CNTNAP5: variants seen among roughly 807,000 people sequenced by gnomAD.
The protein encoded by CNTNAP5 is contactin associated protein family member 5.
In CNTNAP5, 72 loss-of-function variants were observed where a neutral mutation model predicts 150.2. The ratio of observed to expected loss-of-function variants is 0.48; its 90% confidence interval spans 0.40 to 0.58. CNTNAP5 has a LOEUF of 0.58. Among genes scored for constraint, CNTNAP5 ranks in the 20% least tolerant of loss-of-function variants. The pLI is 0.00. For missense variants in CNTNAP5, 1,636 were observed against 1,626.2 expected (o/e 1.01, Z -0.10); for synonymous variants, 672 against 619.8 (o/e 1.08, Z -1.25).
intron 3 of CNTNAP5, among the ~76,000 whole-genome samples, chr2:124,260,867 T>C (rs1051441234): frequency 6.6e-6 from 1 of 152,172 alleles, no homozygotes; most frequent in African/African-American, 2.4e-5. Context: ...ATAATACATG[T>C]CATACTTATA....
chr2:124,495,051 A>G (rs1694114315), intron 7 of CNTNAP5, among the ~76,000 whole-genome samples: 1 of 152,178 alleles, frequency 6.6e-6, no homozygotes, highest in Non-Finnish European at 1.5e-5. Context: ...CTACATATTT[A>G]TATGGGTATA....
chr2:124,790,134 C>T lies in CNTNAP5; in HGVS notation c.2985C>T (p.Cys995=), dbSNP rs772011130. Residue 995 remains cysteine, a synonymous_variant, in exon 18 of 24, where the codon TGC becomes TGT. Coordinates refer to ENST00000682447, the MANE Select transcript of CNTNAP5 (RefSeq NM_001367498.1). ...ATTCACCTTATGAAGGGCCCTTTTG[C>T]AAAAAAGGTACCTTAGGCGCTCCTG... ...CTNSPYEGPF[C]KKEVSAVFEA... 6.9e-6 allele frequency: 11 copies of T among 1,605,372 alleles called. No individual in the cohort carries two copies. The East Asian group carries it at 2.5e-4, about 36-fold the overall frequency.
chr2:124,578,953 T>C (rs753807452), intron 11 of CNTNAP5, among the ~76,000 whole-genome samples: 4 of 151,946 alleles, frequency 2.6e-5, no homozygotes, highest in African/African-American at 7.3e-5. Context: ...GACAAGGGAG[T>C]CTGTTGTGCA....
intron 13 of CNTNAP5, among the ~76,000 whole-genome samples, chr2:124,661,095 A>C (rs1678579923): frequency 6.6e-6 from 1 of 152,126 alleles, no homozygotes. Flanking sequence ...GGAAATTACA[A>C]GGTGCCACTG....
rs145514519 is a variant in CNTNAP5 at position 124,135,848 on chromosome 2, A to G, written c.83-85857A>G. 1.2e-4 allele frequency among the ~76,000 whole-genome samples: 18 copies of G among 152,354 alleles called. No homozygotes were observed. In the East Asian group the frequency reaches 3.5e-3, roughly 29 times the overall value. On this transcript the variant is annotated intron_variant, in intron 1 of 23. Coordinates refer to ENST00000682447, the MANE Select transcript of CNTNAP5 (RefSeq NM_001367498.1). ...GTCTTTTAATTCATGGTGCTGCCATATAAACTGCGTTTATTCCTTTCTGTC... is the reference window on the plus strand; with the variant it reads ...GTCTTTTAATTCATGGTGCTGCCATGTAAACTGCGTTTATTCCTTTCTGTC...
In CNTNAP5 at chr2:124,130,763, G is replaced by A. The variant is rs139682755; in HGVS notation, c.83-90942G>A. On this transcript the variant is annotated intron_variant, in intron 1 of 23. Coordinates refer to ENST00000682447, the MANE Select transcript of CNTNAP5 (RefSeq NM_001367498.1). Reference sequence around the variant, plus strand: ...CATACTTTGAATATATGCCATACTAGGCCACCAACCCTAATCCTAACCCTA... The same window carrying A: ...CATACTTTGAATATATGCCATACTAAGCCACCAACCCTAATCCTAACCCTA... 7.6e-3 allele frequency among the ~76,000 whole-genome samples: 1,161 copies of A among 152,032 alleles called. 10 individuals are homozygous for A. Among genetic ancestry groups the A allele is most frequent in the African/African-American group, 0.026 (1,084 of 41,468 alleles).
intron 15 of CNTNAP5, 60 bp from the exon 16 acceptor site, chr2:124,763,917 G>A: frequency 7.5e-6 from 12 of 1,597,540 alleles, no homozygotes; most frequent in Non-Finnish European, 1.0e-5. Flanking sequence ...CACATGTCCA[G>A]TGCTTTCCCA....
intron 2 of CNTNAP5, among the ~76,000 whole-genome samples, chr2:124,237,789 A>G (rs1024068255): frequency 6.6e-6 from 1 of 151,874 alleles, no homozygotes; most frequent in African/African-American, 2.4e-5. Context: ...GTGAGCCGAG[A>G]TCACACCATT....
intron 6 of CNTNAP5, among the ~76,000 whole-genome samples, chr2:124,450,219 T>C (rs995433338): frequency 5.3e-5 from 8 of 151,780 alleles, no homozygotes; most frequent in Admixed American, 2.6e-4. Flanking sequence ...TACTCTGATA[T>C]ATACTTCTGA....
intron 1 of CNTNAP5, among the ~76,000 whole-genome samples, chr2:124,095,645 T>C (rs1682917930): frequency 6.6e-6 from 1 of 152,226 alleles, no homozygotes; most frequent in Non-Finnish European, 1.5e-5. Context: ...TGACACTTGG[T>C]ACATTGTTTC....
In CNTNAP5 at chr2:124,250,816, GA is replaced by G. The variant is rs143368701; in HGVS notation, c.381+8434del. Among the ~76,000 whole-genome samples, 406 of 137,656 alleles carry G rather than the reference GA, an allele frequency of 2.9e-3. 1 individual carries two copies. The highest frequency in any genetic ancestry group is 9.0e-3 in the African/African-American group (346 of 38,292). The allele number at this position is 137,656 out of a possible 152,430, so 90.3% of individuals were successfully genotyped here. On this transcript the variant is annotated intron_variant, in intron 3 of 23. Transcript: ENST00000682447. ...CTCTCAAGTATTTTTTTTTTAAGTTGAAAAAAAAAAAGCAGGCTTCATTGAA... is the reference window on the plus strand; with the variant it reads ...CTCTCAAGTATTTTTTTTTTAAGTTGAAAAAAAAAAGCAGGCTTCATTGAA...
At chr2:124,636,228 A>G (rs548245920) in intron 12 of CNTNAP5, among the ~76,000 whole-genome samples, 13 of 152,172 alleles carry the variant, frequency 8.5e-5, no homozygotes, top group East Asian at 1.9e-4. Flanking sequence ...CTTATACCTC[A>G]GTTTCTTCCT....
intron 13 of CNTNAP5, among the ~76,000 whole-genome samples, chr2:124,648,719 A>G (rs376535018): frequency 6.6e-6 from 1 of 152,216 alleles, no homozygotes; most frequent in African/African-American, 2.4e-5. Context: ...AAAATGTAAG[A>G]TAGGGTTCAT....
intron 5 of CNTNAP5, among the ~76,000 whole-genome samples, 154 bp downstream of exon 5, chr2:124,434,841 G>A (rs567477449): frequency 1.3e-5 from 2 of 152,346 alleles, no homozygotes; most frequent in East Asian, 3.9e-4. Flanking sequence ...GGCATGTATA[G>A]CATTCTTTGA....
chr2:124,606,569 C>T (rs771772491), intron 11 of CNTNAP5, among the ~76,000 whole-genome samples: 31 of 151,984 alleles, frequency 2.0e-4, no homozygotes, highest in Non-Finnish European at 2.9e-4. Context: ...TCCGTTTTCA[C>T]GCTGCTGATA....
At chr2:124,568,890 T>A (rs934210648) in intron 11 of CNTNAP5, among the ~76,000 whole-genome samples, 4 of 151,810 alleles carry the variant, frequency 2.6e-5, no homozygotes, top group Non-Finnish European at 5.9e-5. Context: ...CTAAAAAAAA[T>A]ACAAAAAATT....
At chr2:124,813,177 C>T (rs559116830) in intron 19 of CNTNAP5, among the ~76,000 whole-genome samples, 10 of 151,744 alleles carry the variant, frequency 6.6e-5, no homozygotes, top group South Asian at 2.1e-4. Flanking sequence ...CCTGGGTTCA[C>T]GCCATTTTCC....
At chr2:124,538,546 AAGAG>A (rs1413551792) in intron 10 of CNTNAP5, among the ~76,000 whole-genome samples, 3 of 151,240 alleles carry the variant, frequency 2.0e-5, no homozygotes, top group South Asian at 2.1e-4. Flanking sequence ...GAAAGAAAGA[AAGAG>A]AGAAAGAAAG....
intron 13 of CNTNAP5, among the ~76,000 whole-genome samples, chr2:124,687,841 G>A (rs1573548357): frequency 1.3e-5 from 2 of 152,118 alleles, no homozygotes; most frequent in South Asian, 4.1e-4. Flanking sequence ...GGTATGTTAT[G>A]TGTTTTTAAT....
Sources: gnomAD v4.1 joint callset for allele counts (sites outside exome capture counted in the v4.1 genomes callset) on GRCh38, gnomAD v4.1.1 for gene constraint, MANE v1.5 for transcripts, NCBI Gene and HGNC (gene_info 2026-07-23, HGNC 2026-07-21) for gene names.